Variants in ABLIM1 observed in about 807,000 individuals in gnomAD.
The protein encoded by ABLIM1 is actin-binding LIM protein 1.
Under a neutral mutation model 107.0 loss-of-function variants are expected in ABLIM1, and 40 were observed. The observed-to-expected ratio is 0.37, with a 90% CI of 0.29 to 0.49. ABLIM1 has a LOEUF of 0.49. Ranked by LOEUF, ABLIM1 falls within the 20% of genes least tolerant of loss-of-function variation. ABLIM1 has a pLI of 0.97. For synonymous variants in ABLIM1, 357 were observed against 357.3 expected, an observed-to-expected ratio of 1.00 and a Z score of 0.01; for missense variants, 857 against 1,008.5, an observed-to-expected ratio of 0.85 and a Z score of 2.04.
chr10:114,612,357 C>T (rs537566210), intron 1 of ABLIM1, among the ~76,000 whole-genome samples: 41 of 152,316 alleles, frequency 2.7e-4, no homozygotes, highest in Admixed American at 9.8e-4. Flanking sequence ...CAAGAAAGCC[C>T]TTACCAGATA....
chr10:114,531,581 G>A (rs754797285), intron 6 of ABLIM1, among the ~76,000 whole-genome samples: 4 of 152,166 alleles, frequency 2.6e-5, no homozygotes. Flanking sequence ...GCAGTGATGC[G>A]ATCTCAGCTC....
At chr10:114,457,896 AC>A (rs1287688850) in intron 12 of ABLIM1, among the ~76,000 whole-genome samples, 1 of 152,098 alleles carries the variant, frequency 6.6e-6, no homozygotes, top group Non-Finnish European at 1.5e-5. Flanking sequence ...ACATGGTGAA[AC>A]CCTGTCTCTT....
At position 114,527,014 on chromosome 10, in the gene ABLIM1, C is replaced by CT. The variant is rs948979391; in HGVS notation, c.894+17990dup. On this transcript the variant is annotated intron_variant, in intron 6 of 22. Coordinates refer to ENST00000533213, the MANE Select transcript of ABLIM1 (RefSeq NM_002313.7). ...GAGGGGGAGTAGATTTACTTTCTTT[C>CT]TTTTTTTAAATGCAGGTAGGAAAGT... The CT allele has an allele frequency of 2.7e-5, 26 of 977,584 alleles. 1 individual carries two copies. The South Asian group carries it at 9.0e-4, about 34-fold the overall frequency. The allele number at this position is 977,584 out of a possible 1,614,324, so 60.6% of individuals were successfully genotyped here.
At chr10:114,718,103 A>G (rs2081740575) in intron 1 of ABLIM1, among the ~76,000 whole-genome samples, 1 of 61,258 alleles carries the variant, frequency 1.6e-5, no homozygotes, top group Non-Finnish European at 5.8e-5. Context: ...GGAAAAGAAA[A>G]AGAAAAAGAA....
chr10:114,650,209 G>A (rs148882365), intron 1 of ABLIM1, among the ~76,000 whole-genome samples: 243 of 152,218 alleles, frequency 1.6e-3, no homozygotes, highest in African/African-American at 5.2e-3. Context: ...ACCCATGGCC[G>A]TCACAGGTCC....
the ABLIM1 span, among the ~76,000 whole-genome samples, chr10:114,791,364 C>T: frequency 2.0e-5 from 3 of 151,762 alleles, no homozygotes; most frequent in African/African-American, 4.9e-5. Flanking sequence ...TATGGCAGGG[C>T]GCGGTGGCTC....
rs114959427 is a variant in ABLIM1 at position 114,565,430 on chromosome 10, G to A, written c.673+5867C>T. Among the ~76,000 whole-genome samples the A allele has an allele frequency of 7.8e-3, 1,188 of 152,340 alleles. 26 individuals are homozygous for A. Among genetic ancestry groups the A allele is most frequent in the African/African-American group, 0.027 (1,126 of 41,570 alleles). Reference sequence around the variant, plus strand: ...GTCAGTGCCTGAACAGTAAGTTATTGTTTTATAAGTACATAGCATTTTATT... The same window carrying A: ...GTCAGTGCCTGAACAGTAAGTTATTATTTTATAAGTACATAGCATTTTATT... On this transcript the variant is annotated intron_variant, in intron 4 of 22. Coordinates refer to ENST00000533213, the MANE Select transcript of ABLIM1 (RefSeq NM_002313.7).
chr10:114,453,069 A>T (rs1355620382), intron 13 of ABLIM1, among the ~76,000 whole-genome samples: 1 of 152,254 alleles, frequency 6.6e-6, no homozygotes, highest in Non-Finnish European at 1.5e-5. Flanking sequence ...CCACAGAAAG[A>T]TATCTCAGAA....
At chr10:114,607,296 G>A (rs192742630) in intron 1 of ABLIM1, among the ~76,000 whole-genome samples, 4 of 152,268 alleles carry the variant, frequency 2.6e-5, no homozygotes, top group East Asian at 3.9e-4. Flanking sequence ...ACCTGACCTC[G>A]TGATCCACCC....
At chr10:114,749,459 C>CACACACAT (rs2082461905) in intron 1 of ABLIM1, among the ~76,000 whole-genome samples, 1 of 150,422 alleles carries the variant, frequency 6.6e-6, no homozygotes, top group Non-Finnish European at 1.5e-5. Flanking sequence ...ACCACACACA[C>CACACACAT]ACACACACAC....
intron 1 of ABLIM1, among the ~76,000 whole-genome samples, chr10:114,630,939 A>G (rs1489680787): frequency 7.2e-5 from 11 of 152,222 alleles, no homozygotes. Context: ...AGAATGATTC[A>G]ATTTTTATAT....
intron 12 of ABLIM1, among the ~76,000 whole-genome samples, chr10:114,465,267 A>G (rs545228711): frequency 6.6e-6 from 1 of 152,324 alleles, no homozygotes; most frequent in East Asian, 1.9e-4. Context: ...TTAACCAAGC[A>G]TGCTTACTAA....
chr10:114,703,675 C>T (rs1005968), intron 1 of ABLIM1, among the ~76,000 whole-genome samples: 51,304 of 152,112 alleles, frequency 0.34, 9,702 homozygotes, highest in South Asian at 0.44. Context: ...CTCCAATGCA[C>T]CTGGTCTGTG....
rs547205738 is a variant in ABLIM1, at chr10:114,755,193, C to T, written c.-213+12868G>A. On this transcript the variant is annotated intron_variant, in intron 1 of 15. Coordinates refer to the ABLIM1 transcript ENST00000651092. ...CAGCGGCAACAGATTCTCATGGGAA[C>T]GCAAACCCTACCGTGAACTGTGCAT... Among the ~76,000 whole-genome samples, 24 of 152,290 alleles carry T rather than the reference C, an allele frequency of 1.6e-4. No homozygotes were observed. The South Asian group carries it at 5.0e-3, about 32-fold the overall frequency.
At chr10:114,493,053 T>C (rs1302365455) in intron 6 of ABLIM1, among the ~76,000 whole-genome samples, 2 of 152,230 alleles carry the variant, frequency 1.3e-5, no homozygotes, top group South Asian at 2.1e-4. Context: ...CATGCTACTT[T>C]TTATTTATTT....
At chr10:114,596,426 C>T (rs948896236) in intron 2 of ABLIM1, among the ~76,000 whole-genome samples, 15 of 152,192 alleles carry the variant, frequency 9.9e-5, no homozygotes, top group Admixed American at 2.0e-4. Flanking sequence ...ATGGGCCTGG[C>T]GTGGTGGCAC....
intron 16 of ABLIM1, 60 bp from the exon 17 acceptor site, chr10:114,444,194 A>G: frequency 2.9e-6 from 4 of 1,392,660 alleles, no homozygotes; most frequent in Non-Finnish European, 3.9e-6. Context: ...AATTACTTTC[A>G]TGGAGCTGCA....
At chr10:114,794,599 G>A in the ABLIM1 span, among the ~76,000 whole-genome samples, 34 of 152,190 alleles carry the variant, frequency 2.2e-4, no homozygotes, top group African/African-American at 7.2e-4. Context: ...GTGTTTTTTG[G>A]GGTTTCTTGA....
At chr10:114,460,226 AGCCAGG>A (rs1191161257) in intron 12 of ABLIM1, among the ~76,000 whole-genome samples, 1 of 152,188 alleles carries the variant, frequency 6.6e-6, no homozygotes, top group African/African-American at 2.4e-5. Context: ...ACAGTTACTT[AGCCAGG>A]GCCTCTGTAC....
Sources: gnomAD v4.1 joint callset for allele counts (sites outside exome capture counted in the v4.1 genomes callset) on GRCh38, gnomAD v4.1.1 for gene constraint, MANE v1.5 for transcripts, NCBI Gene and HGNC (gene_info 2026-07-23, HGNC 2026-07-21) for gene names.